The following DZIP3 variants were observed in gnomAD, a reference collection of about 807,000 sequenced individuals.
The protein encoded by DZIP3 is E3 ubiquitin-protein ligase DZIP3.
In DZIP3, 118 loss-of-function variants were observed where a neutral mutation model predicts 162.0. The ratio of observed to expected loss-of-function variants is 0.73; its 90% confidence interval spans 0.63 to 0.85. The LOEUF (loss-of-function observed/expected upper bound fraction) is 0.85. DZIP3 is among the 40% of genes least tolerant of loss of function. The pLI, the probability that DZIP3 is intolerant of heterozygous loss-of-function variation, is 0.00. For synonymous variants in DZIP3, 438 were observed against 458.6 expected, an observed-to-expected ratio of 0.96 and a Z score of 0.57; for missense variants, 1,331 against 1,407.0, an observed-to-expected ratio of 0.95 and a Z score of 0.86.
intron 1 of DZIP3, among the ~76,000 whole-genome samples, chr3:108,601,176 G>A (rs963126755): frequency 6.6e-6 from 1 of 152,028 alleles, no homozygotes; most frequent in African/African-American, 2.4e-5. Flanking sequence ...TTTCTCAATG[G>A]AGAGTAATTT....
chr3:108,670,586 C>T (rs1943890622), intron 22 of DZIP3, among the ~76,000 whole-genome samples: 1 of 151,806 alleles, frequency 6.6e-6, no homozygotes, highest in African/African-American at 2.4e-5. Context: ...ATACTGTTAT[C>T]AATATTTATA....
chr3:108,665,137 AAATGAC>A (rs758045835), intron 21 of DZIP3, among the ~76,000 whole-genome samples: 8 of 152,220 alleles, frequency 5.3e-5, no homozygotes, highest in Non-Finnish European at 1.2e-4. Context: ...AAAGACCAAC[AAATGAC>A]AATATTAATA....
intron 18 of DZIP3, among the ~76,000 whole-genome samples, chr3:108,652,733 A>G (rs1576419307): frequency 1.3e-5 from 2 of 151,974 alleles, no homozygotes; most frequent in South Asian, 2.1e-4. Context: ...CAGGTGTACA[A>G]TATGTTATGT....
chr3:108,651,187 T>A, intron 18 of DZIP3, 25 bp downstream of exon 18: 3 of 723,970 alleles, frequency 4.1e-6, no homozygotes, highest in Non-Finnish European at 5.7e-6. Flanking sequence ...ATTTAATTTT[T>A]AAATTTTTCT....
chr3:108,647,382 C>T (rs1323049974), intron 15 of DZIP3, among the ~76,000 whole-genome samples: 1 of 151,284 alleles, frequency 6.6e-6, no homozygotes, highest in African/African-American at 2.4e-5. Flanking sequence ...AAAAAAACAC[C>T]ACCACAGATT....
At chr3:108,640,447 C>CTTT (rs752907153) in intron 12 of DZIP3, among the ~76,000 whole-genome samples, 6 of 116,132 alleles carry the variant, frequency 5.2e-5, no homozygotes, top group Admixed American at 1.7e-4. Context: ...ATTTAACATC[C>CTTT]TTTTTTTTTT....
chr3:108,654,161 A>G lies in DZIP3; in HGVS notation c.2050A>G (p.Lys684Glu), dbSNP rs200843035. 193 of 1,613,314 alleles carry G rather than the reference A, an allele frequency of 1.2e-4. No individual in the cohort carries two copies. The highest frequency in any genetic ancestry group is 1.6e-4 in the Non-Finnish European group (189 of 1,179,602). ...CGACTACAGCCCATATGTGGTAGAA[A>G]AGGAAGAGCAGTTGAGGAAAGAACA... ...KEDQVPYVVEKEEQLRKEQAN... is the reference protein window; with the variant it reads ...KEDQVPYVVEEEEQLRKEQAN... The change falls in exon 19 of 33, where the codon AAG (lysine) becomes GAG (glutamate). Residue 684 changes from lysine to glutamate, a missense_variant. By Grantham distance (56) the Lys-to-Glu change is moderately conservative (BLOSUM62 1). Transcript: ENST00000361582.
At chr3:108,687,889 A>C in intron 28 of DZIP3, 87 bp from the exon 29 acceptor site, 2 of 1,554,110 alleles carry the variant, frequency 1.3e-6, no homozygotes, top group Admixed American at 3.5e-5. Flanking sequence ...ATCATGCGAT[A>C]GGATTTTATA....
At chr3:108,661,051 G>T (rs1576436074) in intron 19 of DZIP3, among the ~76,000 whole-genome samples, 1 of 152,138 alleles carries the variant, frequency 6.6e-6, no homozygotes, top group Non-Finnish European at 1.5e-5. Flanking sequence ...TGTAAACTAG[G>T]TCAACCATTG....
chr3:108,631,050 C>CAT (rs1941827938), intron 8 of DZIP3, among the ~76,000 whole-genome samples: 4 of 111,956 alleles, frequency 3.6e-5, no homozygotes, highest in Admixed American at 1.9e-4. Context: ...CACACACACA[C>CAT]ACACACTCTC....
Position 108,690,802 on chromosome 3 carries a change from T to C in DZIP3, c.3532T>C (p.Leu1178=). The C allele has an allele frequency of 6.2e-7, 1 of 1,614,016 alleles. No homozygotes were observed. The highest frequency in any genetic ancestry group is 8.5e-7 in the Non-Finnish European group (1 of 1,179,908). The change falls in exon 32 of 33, where the codon TTG becomes CTG. Residue 1178 remains leucine, a synonymous_variant. Coordinates refer to ENST00000361582, the MANE Select transcript of DZIP3 (RefSeq NM_014648.4). ...KFHAQCIRPW[L]MQQGTCPTCR... ...TGCTCCTTAGTGCATTAGACCATGGTTGATGCAACAGGGGACATGTCCAAC... is the reference window on the plus strand; with the variant it reads ...TGCTCCTTAGTGCATTAGACCATGGCTGATGCAACAGGGGACATGTCCAAC...
Position 108,624,500 on chromosome 3 carries a change from A to G in DZIP3, c.432A>G (p.Ala144=). ...CATTACTGTTTTTATATGGAGTAGC[A>G]CTCACTGAAAGAGGAAAGAAAGAGG... ...YLTLLFLYGV[A]LTERGKKEDY... The change falls in exon 6 of 33, where the codon GCA becomes GCG. Residue 144 remains alanine, a synonymous_variant. Coordinates refer to ENST00000361582, the MANE Select transcript of DZIP3 (RefSeq NM_014648.4). 6.3e-7 allele frequency: 1 copy of G among 1,590,010 alleles called. No homozygotes were observed. The highest frequency in any genetic ancestry group is 8.6e-7 in the Non-Finnish European group (1 of 1,164,902).
At chr3:108,673,781 T>A (rs1944006639) in intron 23 of DZIP3, among the ~76,000 whole-genome samples, 1 of 151,918 alleles carries the variant, frequency 6.6e-6, no homozygotes, top group African/African-American at 2.4e-5. Flanking sequence ...AATTAGAATA[T>A]CTGGGACCAA....
chr3:108,665,222 T>G (rs547592062), intron 21 of DZIP3, among the ~76,000 whole-genome samples: 55 of 152,234 alleles, frequency 3.6e-4, no homozygotes, highest in African/African-American at 1.3e-3. Context: ...TCAACAAAAT[T>G]GAATAATCTT....
At chr3:108,617,176 T>C (rs573600367) in intron 5 of DZIP3, among the ~76,000 whole-genome samples, 1 of 152,216 alleles carries the variant, frequency 6.6e-6, no homozygotes, top group African/African-American at 2.4e-5. Context: ...GAAGAATAAG[T>C]TCAAGAGATC....
Position 108,674,057 on chromosome 3 carries a change from CTT to C in DZIP3, c.2590-19_2590-18del. The C allele has an allele frequency of 1.3e-6, 2 of 1,570,100 alleles. No homozygotes were observed. The highest frequency in any genetic ancestry group is 1.8e-6 in the Non-Finnish European group (2 of 1,142,620). On this transcript the variant is annotated intron_variant, in intron 23 of 32. Coordinates refer to ENST00000361582, the MANE Select transcript of DZIP3 (RefSeq NM_014648.4). Reference sequence around the variant, plus strand: ...ACAAGCACACCTTCAACTTCTTTCTCTTTCTCTCAAAAACCTGTAGGTGTATT... The same window carrying C: ...ACAAGCACACCTTCAACTTCTTTCTCTCTCTCAAAAACCTGTAGGTGTATT...
chr3:108,681,062 A>G (rs1944287977), intron 26 of DZIP3, among the ~76,000 whole-genome samples: 1 of 152,194 alleles, frequency 6.6e-6, no homozygotes, highest in Non-Finnish European at 1.5e-5. Context: ...TGACTAAAAC[A>G]CCAAAAGCAA....
chr3:108,607,170 G>A lies in DZIP3; in HGVS notation c.33-919G>A, dbSNP rs368799782. Among the ~76,000 whole-genome samples the A allele has an allele frequency of 1.3e-4, 20 of 152,172 alleles. No individual in the cohort carries two copies. In the South Asian group the frequency reaches 4.2e-3, roughly 32 times the overall value. ...ACTGAGAATCATATTGTGAAATGTT[G>A]GCATGTGTATATCATCTTTTGTAGA... is the stretch of plus-strand genomic sequence containing the variant. On this transcript the variant is annotated intron_variant, in intron 2 of 32. Transcript: ENST00000361582.
At chr3:108,662,088 A>G (rs1943464202) in intron 20 of DZIP3, 42 bp from the exon 21 acceptor site, 3 of 1,571,464 alleles carry the variant, frequency 1.9e-6, no homozygotes, top group Middle Eastern at 1.7e-4. Flanking sequence ...ATTTCTGGTG[A>G]CTTGAACATA....
Sources: gnomAD v4.1 joint callset for allele counts (sites outside exome capture counted in the v4.1 genomes callset) on GRCh38, gnomAD v4.1.1 for gene constraint, MANE v1.5 for transcripts, NCBI Gene and HGNC (gene_info 2026-07-23, HGNC 2026-07-21) for gene names.